SGMS1: variants seen among roughly 807,000 people sequenced by gnomAD.
SGMS1 encodes the protein sphingomyelin synthase 1.
Under a neutral mutation model 46.2 loss-of-function variants are expected in SGMS1, and 13 were observed. That is an observed-to-expected ratio of 0.28 (90% confidence interval 0.18 to 0.45). SGMS1 has a LOEUF of 0.45. Among genes scored for constraint, SGMS1 ranks in the 20% least tolerant of loss-of-function variants. The pLI is 1.00. For missense variants in SGMS1, 324 were observed against 519.9 expected (o/e 0.62, Z 3.66); for synonymous variants, 203 against 187.8 (o/e 1.08, Z -0.66).
At chr10:50,373,473 T>C (rs1848473868) in intron 6 of SGMS1, among the ~76,000 whole-genome samples, 1 of 152,208 alleles carries the variant, frequency 6.6e-6, no homozygotes, top group Non-Finnish European at 1.5e-5. Context: ...GATGAGAGCA[T>C]TATGTGATCA....
chr10:50,496,616 G>A (rs1837617608), intron 3 of SGMS1, among the ~76,000 whole-genome samples: 1 of 152,302 alleles, frequency 6.6e-6, no homozygotes, highest in East Asian at 1.9e-4. Context: ...CATGGCCAGA[G>A]CTGCCTAATG....
At chr10:50,465,262 T>G (rs1388079195) in intron 4 of SGMS1, among the ~76,000 whole-genome samples, 1 of 152,192 alleles carries the variant, frequency 6.6e-6, no homozygotes, top group Non-Finnish European at 1.5e-5. Flanking sequence ...CGGTCCATTT[T>G]GTATTGTCTC....
intron 2 of SGMS1, among the ~76,000 whole-genome samples, chr10:50,587,631 A>ATGTGTGTGTGTGTGTGTGTGTG: frequency 8.4e-6 from 1 of 118,726 alleles, no homozygotes; most frequent in Non-Finnish European, 1.8e-5. Context: ...CTCAAAATAT[A>ATGTGTGTGTGTGTGTGTGTGTG]TATGTGTGTG....
At chr10:50,492,903 C>A (rs1277146775) in intron 3 of SGMS1, among the ~76,000 whole-genome samples, 4 of 152,172 alleles carry the variant, frequency 2.6e-5, no homozygotes, top group African/African-American at 9.6e-5. Flanking sequence ...ACTTAAACAC[C>A]TATCTCTCTA....
intron 3 of SGMS1, among the ~76,000 whole-genome samples, chr10:50,513,250 C>T (rs1837772825): frequency 6.6e-6 from 1 of 152,168 alleles, no homozygotes; most frequent in South Asian, 2.1e-4. Context: ...AAAACAGAAA[C>T]TGGCAACCGC....
chr10:50,527,023 C>T (rs531320613), intron 2 of SGMS1, among the ~76,000 whole-genome samples: 1 of 142,624 alleles, frequency 7.0e-6, no homozygotes, highest in Non-Finnish European at 1.5e-5. Flanking sequence ...CGAGATATCG[C>T]CACTGCACTC....
At chr10:50,428,840 A>C (rs1000912893) in intron 6 of SGMS1, among the ~76,000 whole-genome samples, 12 of 152,208 alleles carry the variant, frequency 7.9e-5, no homozygotes, top group African/African-American at 2.7e-4. Flanking sequence ...ATTTAGGAAA[A>C]GGTTACATCC....
chr10:50,352,477 T>C (rs991148961), intron 6 of SGMS1, among the ~76,000 whole-genome samples: 4 of 144,430 alleles, frequency 2.8e-5, no homozygotes, highest in African/African-American at 1.1e-4. Context: ...GAACTGGTAA[T>C]AATATAAGAG....
chr10:50,455,419 G>A (rs1424404103), intron 5 of SGMS1, among the ~76,000 whole-genome samples: 1 of 152,142 alleles, frequency 6.6e-6, no homozygotes, highest in Admixed American at 6.5e-5. Flanking sequence ...TTAACATTAA[G>A]GTCTTCATAC....
chr10:50,453,697 C>A (rs1248816881), intron 5 of SGMS1, among the ~76,000 whole-genome samples: 3 of 147,282 alleles, frequency 2.0e-5, no homozygotes, highest in African/African-American at 7.6e-5. Flanking sequence ...TAAAATATTC[C>A]TAATAGCAAT....
At chr10:50,315,454 A>G (rs189408350) in intron 8 of SGMS1, among the ~76,000 whole-genome samples, 201 of 152,336 alleles carry the variant, frequency 1.3e-3, no homozygotes, top group African/African-American at 3.8e-3. Flanking sequence ...GAAATCAGGC[A>G]GGAAATGTGA....
chr10:50,471,853 A>T (rs1478440846), intron 3 of SGMS1, among the ~76,000 whole-genome samples: 2 of 152,156 alleles, frequency 1.3e-5, no homozygotes, highest in Non-Finnish European at 2.9e-5. Context: ...TTAAATCCTT[A>T]CCCACAGATA....
At chr10:50,480,377 A>C (rs2024871) in intron 3 of SGMS1, among the ~76,000 whole-genome samples, 1 of 151,530 alleles carries the variant, frequency 6.6e-6, no homozygotes, top group African/African-American at 2.4e-5. Context: ...GCAGCTGTGG[A>C]CAGCAGCTCC....
intron 1 of SGMS1, among the ~76,000 whole-genome samples, chr10:50,603,677 C>T (rs924568404): frequency 2.0e-5 from 3 of 152,206 alleles, no homozygotes; most frequent in Non-Finnish European, 2.9e-5. Context: ...CAAAGAAACA[C>T]TGCATGATTG....
chr10:50,423,290 T>C (rs11005612), intron 6 of SGMS1, among the ~76,000 whole-genome samples: 22,124 of 90,168 alleles, frequency 0.25, 1,701 homozygotes, highest in Middle Eastern at 0.32. Flanking sequence ...AAGTGTGCCT[T>C]TTCCCACTTA....
chr10:50,603,856 G>GC (rs1838670744), intron 1 of SGMS1, among the ~76,000 whole-genome samples: 1 of 152,146 alleles, frequency 6.6e-6, no homozygotes, highest in Non-Finnish European at 1.5e-5. Flanking sequence ...AGACAGAGGG[G>GC]CAGGACAAGC....
At chr10:50,617,823 T>G (rs980527158) in intron 1 of SGMS1, among the ~76,000 whole-genome samples, 3 of 152,044 alleles carry the variant, frequency 2.0e-5, no homozygotes, top group African/African-American at 7.2e-5. Context: ...TCCACCTGCT[T>G]CAGCCTCCCA....
chr10:50,558,420 A>G (rs1446779857), intron 2 of SGMS1, among the ~76,000 whole-genome samples: 1 of 152,086 alleles, frequency 6.6e-6, no homozygotes, highest in Non-Finnish European at 1.5e-5. Flanking sequence ...TGAACAGGTT[A>G]CTCCTGGCTG....
chr10:50,566,707 C>T (rs1258349082), intron 2 of SGMS1, among the ~76,000 whole-genome samples: 1 of 152,152 alleles, frequency 6.6e-6, no homozygotes, highest in Non-Finnish European at 1.5e-5. Context: ...CTGAGTTATA[C>T]ACAGTACGGT....
Sources: allele counts gnomAD v4.1 joint callset (sites outside exome capture counted in the v4.1 genomes callset), GRCh38; gene constraint gnomAD v4.1.1; transcripts MANE v1.5; gene names NCBI Gene and HGNC (gene_info 2026-07-23, HGNC 2026-07-21).